The following SLC24A3 variants were observed in gnomAD, a reference collection of about 807,000 sequenced individuals.
SLC24A3 encodes the protein sodium/potassium/calcium exchanger 3.
In SLC24A3, 28 loss-of-function variants were observed where a neutral mutation model predicts 75.8. The observed-to-expected ratio is 0.37, with a 90% CI of 0.27 to 0.51. The LOEUF is 0.51. Among genes scored for constraint, SLC24A3 ranks in the 20% least tolerant of loss-of-function variants. The pLI is 0.94. For synonymous variants in SLC24A3, 372 were observed against 334.1 expected (o/e 1.11, Z -1.24); for missense variants, 663 against 847.8 (o/e 0.78, Z 2.71).
At chr20:19,537,914 T>A (rs2030428579) in intron 3 of SLC24A3, among the ~76,000 whole-genome samples, 1 of 150,224 alleles carries the variant, frequency 6.7e-6, no homozygotes. Flanking sequence ...CATTAGGAGA[T>A]ATACCTAATG....
chr20:19,422,472 A>T (rs1487372748), intron 2 of SLC24A3, among the ~76,000 whole-genome samples: 3 of 152,216 alleles, frequency 2.0e-5, no homozygotes, highest in Admixed American at 2.0e-4. Context: ...GATGCTTGTG[A>T]TCAGTGGGGC....
chr20:19,680,120 G>GTGTGTC (rs1249632515), intron 9 of SLC24A3, among the ~76,000 whole-genome samples: 1 of 78,784 alleles, frequency 1.3e-5, no homozygotes, highest in African/African-American at 6.6e-5. Context: ...GTCTGTGTCT[G>GTGTGTC]TGTGTGTGTC....
intron 2 of SLC24A3, among the ~76,000 whole-genome samples, chr20:19,371,462 A>T (rs1347039762): frequency 6.6e-6 from 1 of 152,050 alleles, no homozygotes; most frequent in African/African-American, 2.4e-5. Context: ...TATGGACAAG[A>T]CCCCAAGCCT....
At chr20:19,443,931 G>A (rs1305063707) in intron 2 of SLC24A3, among the ~76,000 whole-genome samples, 1 of 152,188 alleles carries the variant, frequency 6.6e-6, no homozygotes, top group Non-Finnish European at 1.5e-5. Flanking sequence ...GTGCTTGAGA[G>A]TTAATAAAGT....
At chr20:19,250,707 A>C (rs6081549) in intron 1 of SLC24A3, among the ~76,000 whole-genome samples, 97,438 of 152,014 alleles carry the variant, frequency 0.64, 32,463 homozygotes, top group East Asian at 0.96. Flanking sequence ...GTAGTTTTGG[A>C]AAATAATGTG....
chr20:19,489,040 C>T (rs553584051), intron 2 of SLC24A3, among the ~76,000 whole-genome samples: 37 of 152,316 alleles, frequency 2.4e-4, no homozygotes, highest in African/African-American at 7.9e-4. Flanking sequence ...AACCCGCATA[C>T]GTCTTCTTTG....
chr20:19,651,274 A>C (rs1386990450), intron 6 of SLC24A3, among the ~76,000 whole-genome samples: 1 of 150,868 alleles, frequency 6.6e-6, no homozygotes, highest in Non-Finnish European at 1.5e-5. Flanking sequence ...TGGGCATAGA[A>C]TTTCAATTGT....
intron 2 of SLC24A3, among the ~76,000 whole-genome samples, chr20:19,320,479 C>T (rs1484040382): frequency 6.6e-6 from 1 of 152,034 alleles, no homozygotes; most frequent in African/African-American, 2.4e-5. Context: ...GTGTGCTGAC[C>T]TCATGGACAC....
At chr20:19,335,296 G>C (rs1985104899) in intron 2 of SLC24A3, among the ~76,000 whole-genome samples, 1 of 152,174 alleles carries the variant, frequency 6.6e-6, no homozygotes, top group Non-Finnish European at 1.5e-5. Context: ...CTTAAATCTT[G>C]TCTTTTCTAC....
At chr20:19,705,095 T>C (rs565472922) in intron 15 of SLC24A3, among the ~76,000 whole-genome samples, 5 of 152,322 alleles carry the variant, frequency 3.3e-5, no homozygotes, top group African/African-American at 1.2e-4. Flanking sequence ...GAATCTTTGC[T>C]AAAAGACAGG....
chr20:19,231,513 A>T (rs1326559606), intron 1 of SLC24A3, among the ~76,000 whole-genome samples: 1 of 152,216 alleles, frequency 6.6e-6, no homozygotes, highest in Non-Finnish European at 1.5e-5. Flanking sequence ...GGTCAGAATG[A>T]TGTCATTACT....
chr20:19,646,603 G>C (rs1193247254), intron 6 of SLC24A3, among the ~76,000 whole-genome samples: 1 of 152,170 alleles, frequency 6.6e-6, no homozygotes, highest in East Asian at 1.9e-4. Context: ...ACTTAGGAAA[G>C]TGCACCTGTC....
At chr20:19,336,168 C>T (rs1213301114) in intron 2 of SLC24A3, among the ~76,000 whole-genome samples, 4 of 152,194 alleles carry the variant, frequency 2.6e-5, no homozygotes. Flanking sequence ...TATTTCCCCT[C>T]TTCTCTCTCT....
chr20:19,693,344 G>A lies in SLC24A3; in HGVS notation c.1410G>A (p.Pro470=), dbSNP rs776742514. 9 of 1,613,950 alleles carry A rather than the reference G, an allele frequency of 5.6e-6. No individual in the cohort carries two copies. Among genetic ancestry groups the A allele is most frequent in the Admixed American group, 1.7e-5 (1 of 59,998 alleles). ...TCACTGTACCCAACTGCAACAAGCC[G>A]CGCTGGGAGAAATGGTTCATGGTGA... ...LYFTVPNCNK[P]RWEKWFMVTF... The change falls in exon 13 of 17, where the codon CCG becomes CCA. Residue 470 remains proline (P), a synonymous_variant. Transcript: ENST00000328041.
intron 2 of SLC24A3, among the ~76,000 whole-genome samples, chr20:19,487,827 T>C (rs1988150621): frequency 1.3e-5 from 2 of 152,206 alleles, no homozygotes; most frequent in Admixed American, 1.3e-4. Context: ...CACTTTGAGG[T>C]CATGAAGCTT....
chr20:19,277,367 G>A (rs887196776), intron 1 of SLC24A3, among the ~76,000 whole-genome samples: 25 of 152,224 alleles, frequency 1.6e-4, no homozygotes, highest in African/African-American at 5.3e-4. Context: ...TGCTAACTAC[G>A]AAATGATAGT....
In SLC24A3 at chr20:19,235,938, C is replaced by T. The variant is rs182850277; in HGVS notation, c.142+22954C>T. Among the ~76,000 whole-genome samples the T allele has an allele frequency of 2.1e-3, 321 of 152,274 alleles. 1 individual carries two copies. Among genetic ancestry groups the T allele is most frequent in the African/African-American group, 7.4e-3 (307 of 41,554 alleles). On this transcript the variant is annotated intron_variant, in intron 1 of 16. Coordinates refer to ENST00000328041, the MANE Select transcript of SLC24A3 (RefSeq NM_020689.4). ...TCATAAATGCATTTAACAGCATGAACGCTGGGTGACAAACCCAATAAAGAA... is the reference window on the plus strand; with the variant it reads ...TCATAAATGCATTTAACAGCATGAATGCTGGGTGACAAACCCAATAAAGAA...
intron 1 of SLC24A3, among the ~76,000 whole-genome samples, chr20:19,237,500 C>CTGA (rs1982198706): frequency 6.6e-6 from 1 of 152,186 alleles, no homozygotes; most frequent in South Asian, 2.1e-4. Context: ...CCGTCATGTG[C>CTGA]TAGCTCAGCT....
In SLC24A3 at chr20:19,693,358, G is replaced by C. The variant is rs763355716; in HGVS notation, c.1424G>C (p.Trp475Ser). Residue 475 changes from tryptophan (W) to serine (S), a missense_variant, in exon 13 of 17, where the codon TGG (tryptophan) becomes TCG (serine). Physicochemically the swap from Trp to Ser is radical, Grantham distance 177. This residue lies in a region of SLC24A3 where 510 missense variants were observed against 703.6 expected (regional missense o/e 0.72). Coordinates refer to ENST00000328041, the MANE Select transcript of SLC24A3 (RefSeq NM_020689.4). Reference sequence around the variant, plus strand: ...TGCAACAAGCCGCGCTGGGAGAAATGGTTCATGGTGACGTTTGCTTCCTCC... The same window carrying C: ...TGCAACAAGCCGCGCTGGGAGAAATCGTTCATGGTGACGTTTGCTTCCTCC... ...PNCNKPRWEK[W>S]FMVTFASSTL... 6.2e-7 allele frequency: 1 copy of C among 1,614,168 alleles called. No homozygotes were observed. Among genetic ancestry groups the C allele is most frequent in the Admixed American group, 1.7e-5 (1 of 60,028 alleles).
Sources: gnomAD v4.1 joint callset for allele counts (sites outside exome capture counted in the v4.1 genomes callset) on GRCh38, gnomAD v4.1.1 for gene constraint, gnomAD v4.1.1 regional missense constraint, MANE v1.5 for transcripts, NCBI Gene and HGNC (gene_info 2026-07-23, HGNC 2026-07-21) for gene names.